The following PRR16 variants were observed in gnomAD, a reference collection of about 807,000 sequenced individuals.
PRR16 encodes the protein protein Largen.
A neutral mutation model predicts 18.2 loss-of-function variants in PRR16; 6 were observed. The ratio of observed to expected loss-of-function variants is 0.33; its 90% CI spans 0.18 to 0.65. The LOEUF (loss-of-function observed/expected upper bound fraction) is 0.65, where lower values mean the gene tolerates loss of function less well. Among genes scored for constraint, PRR16 ranks in the 30% least tolerant of loss-of-function variants. The pLI is 0.74. For synonymous variants in PRR16, 151 were observed against 147.8 expected (o/e 1.02, Z -0.16); for missense variants, 412 against 376.6 (o/e 1.09, Z -0.78).
chr5:120,573,272 G>A (rs1375575045), intron 1 of PRR16, among the ~76,000 whole-genome samples: 4 of 152,150 alleles, frequency 2.6e-5, no homozygotes, highest in Admixed American at 6.6e-5. Flanking sequence ...TATCCAGAAA[G>A]TGTCATGACT....
At chr5:120,705,496 T>C in the PRR16 span, among the ~76,000 whole-genome samples, 1 of 152,088 alleles carries the variant, frequency 6.6e-6, no homozygotes, top group Non-Finnish European at 1.5e-5. Context: ...TTCAGGAAAA[T>C]GATATTCTTC....
intron 1 of PRR16, among the ~76,000 whole-genome samples, chr5:120,484,897 T>G (rs1356627969): frequency 6.6e-6 from 1 of 151,464 alleles, no homozygotes; most frequent in African/African-American, 2.4e-5. Flanking sequence ...ATACATATAT[T>G]TTAATGTAAT....
chr5:120,536,548 A>G (rs1751722914), intron 1 of PRR16, among the ~76,000 whole-genome samples: 1 of 152,248 alleles, frequency 6.6e-6, no homozygotes, highest in African/African-American at 2.4e-5. Context: ...TGTATAGTTT[A>G]CACAAAACAT....
At chr5:120,728,136 CTG>C in the PRR16 span, among the ~76,000 whole-genome samples, 10 of 151,736 alleles carry the variant, frequency 6.6e-5, no homozygotes. Context: ...TTGTAAGTAT[CTG>C]TGGAAGCTGA....
the PRR16 span, among the ~76,000 whole-genome samples, chr5:120,699,665 T>C: frequency 2.0e-5 from 3 of 152,146 alleles, no homozygotes; most frequent in Non-Finnish European, 2.9e-5. Flanking sequence ...ATTAAAGCAG[T>C]GGCAGCCGCT....
chr5:120,481,176 C>A (rs948586429), intron 1 of PRR16: 3 of 995,376 alleles, frequency 3.0e-6, no homozygotes, highest in Non-Finnish European at 4.1e-6. Context: ...GAGATGAAGT[C>A]CCACTCTGTT....
chr5:120,790,943 T>G, the PRR16 span, among the ~76,000 whole-genome samples: 1 of 152,174 alleles, frequency 6.6e-6, no homozygotes, highest in Non-Finnish European at 1.5e-5. Flanking sequence ...ATCAGTGTGG[T>G]CAAATGAATC....
chr5:120,771,200 A>G, the PRR16 span, among the ~76,000 whole-genome samples: 1 of 152,064 alleles, frequency 6.6e-6, no homozygotes, highest in African/African-American at 2.4e-5. Flanking sequence ...CTTTAAATAT[A>G]TATTAAACAT....
intron 1 of PRR16, among the ~76,000 whole-genome samples, chr5:120,566,339 G>C (rs532114472): frequency 6.6e-6 from 1 of 152,244 alleles, no homozygotes; most frequent in Non-Finnish European, 1.5e-5. Flanking sequence ...CCAGTCTGTG[G>C]TTTTCTGTTA....
the PRR16 span, among the ~76,000 whole-genome samples, chr5:120,781,759 G>A: frequency 2.0e-5 from 3 of 152,052 alleles, no homozygotes; most frequent in African/African-American, 4.8e-5. Context: ...TTTCTTGTGC[G>A]AATACTGATG....
chr5:120,481,877 A>C (rs1749629068), intron 1 of PRR16, among the ~76,000 whole-genome samples: 1 of 152,162 alleles, frequency 6.6e-6, no homozygotes, highest in Non-Finnish European at 1.5e-5. Context: ...ACACGAGAGA[A>C]CCAAGAAGTA....
At chr5:120,640,391 A>G (rs1045233821) in intron 1 of PRR16, among the ~76,000 whole-genome samples, 1 of 152,152 alleles carries the variant, frequency 6.6e-6, no homozygotes, top group African/African-American at 2.4e-5. Flanking sequence ...TTTATATTCA[A>G]TGCATTAACA....
intron 1 of PRR16, among the ~76,000 whole-genome samples, chr5:120,525,931 C>T (rs1210128203): frequency 1.3e-5 from 2 of 152,158 alleles, no homozygotes; most frequent in African/African-American, 2.4e-5. Flanking sequence ...GAAGAAACAA[C>T]ATTTTTGGAC....
chr5:120,757,548 G>C, the PRR16 span, among the ~76,000 whole-genome samples: 1 of 151,584 alleles, frequency 6.6e-6, no homozygotes, highest in East Asian at 1.9e-4. Flanking sequence ...TTGCTATATA[G>C]TAAAAGAAAA....
the PRR16 span, among the ~76,000 whole-genome samples, chr5:120,699,479 C>T: frequency 6.6e-6 from 1 of 152,082 alleles, no homozygotes; most frequent in African/African-American, 2.4e-5. Flanking sequence ...GGATTCAAGT[C>T]TGGGCCAGGA....
chr5:120,645,827 T>A (rs1755574002), intron 1 of PRR16, among the ~76,000 whole-genome samples: 1 of 121,886 alleles, frequency 8.2e-6, no homozygotes, highest in Non-Finnish European at 2.0e-5. Flanking sequence ...ACATCTCGAA[T>A]AACAATGACT....
chr5:120,731,755 G>A, the PRR16 span, among the ~76,000 whole-genome samples: 3 of 152,196 alleles, frequency 2.0e-5, no homozygotes, highest in Non-Finnish European at 4.4e-5. Context: ...GGCAATGACA[G>A]TGCCTTATAC....
the PRR16 span, among the ~76,000 whole-genome samples, chr5:120,722,284 A>C: frequency 1.3e-5 from 2 of 152,032 alleles, no homozygotes; most frequent in Non-Finnish European, 2.9e-5. Flanking sequence ...GAGAAAAAGA[A>C]AAGACTCTGA....
chr5:120,752,415 T>G, the PRR16 span, among the ~76,000 whole-genome samples: 1 of 152,012 alleles, frequency 6.6e-6, no homozygotes, highest in African/African-American at 2.4e-5. Context: ...GTTTATTGTT[T>G]TTTTGAAGGT....
Sources: gnomAD v4.1 joint callset for allele counts (sites outside exome capture counted in the v4.1 genomes callset) on GRCh38, gnomAD v4.1.1 for gene constraint, MANE v1.5 for transcripts, NCBI Gene and HGNC (gene_info 2026-07-23, HGNC 2026-07-21) for gene names.